The following ZFHX4 variants were observed in gnomAD, a reference collection of about 807,000 sequenced individuals.
ZFHX4 encodes zinc finger homeobox protein 4.
In ZFHX4, 56 loss-of-function variants were observed where a neutral mutation model predicts 267.6. The observed-to-expected ratio is 0.21, with a 90% CI of 0.17 to 0.26. ZFHX4 has a LOEUF of 0.26. Among genes scored for constraint, ZFHX4 ranks in the 10% least tolerant of loss-of-function variants. The pLI is 1.00. For synonymous variants in ZFHX4, 1,778 were observed against 1,665.6 expected (o/e 1.07, Z -1.64); for missense variants, 4,332 against 4,420.0 (o/e 0.98, Z 0.56).
rs1808251685 is a variant in ZFHX4 at position 76,705,897 on chromosome 8, TGGA to T, written c.1814_1816del (p.Gly605del). On this transcript the variant is annotated inframe_deletion, in exon 2 of 11. Coordinates refer to ENST00000651372, the MANE Select transcript of ZFHX4 (RefSeq NM_024721.5). ...CGAGTACTCCTGGCACACCAGGGCC[TGGA>T]GGAGACGGCTCACCGGGCAGTGGCA... 6.2e-7 allele frequency: 1 copy of T among 1,613,454 alleles called. No homozygotes were observed. Among genetic ancestry groups the T allele is most frequent in the Non-Finnish European group, 8.5e-7 (1 of 1,179,830 alleles).
In ZFHX4 at chr8:76,867,129, T is replaced by A. The variant is rs1462927495; in HGVS notation, c.*2564T>A. 1 of 152,638 alleles carries A rather than the reference T, an allele frequency of 6.6e-6. No individual in the cohort carries two copies. Among genetic ancestry groups the A allele is most frequent in the African/African-American group, 2.4e-5 (1 of 41,462 alleles). 9.5% of individuals were successfully genotyped at this position (152,638 alleles called of 1,614,324 possible). A position where few individuals can be genotyped will look rare whatever the true frequency, so the allele number is the denominator to read the frequency against. On this transcript the variant is annotated 3_prime_UTR_variant, in exon 11 of 11. Transcript: ENST00000651372. ...ATGCACCGTATTACGGTAAATAACA[T>A]GGTTTTGAAAACTTTTTTTTATTTT...
chr8:76,840,327 G>A (rs945009671), intron 5 of ZFHX4, among the ~76,000 whole-genome samples: 2 of 152,160 alleles, frequency 1.3e-5, no homozygotes, highest in South Asian at 2.1e-4. Flanking sequence ...GATGGGGAGC[G>A]TCTATCCCAC....
At chr8:76,694,584 A>T (rs1387457481) in intron 1 of ZFHX4, among the ~76,000 whole-genome samples, 1 of 151,948 alleles carries the variant, frequency 6.6e-6, no homozygotes, top group Non-Finnish European at 1.5e-5. Flanking sequence ...GCACTGGGGC[A>T]GAGGTTGAGT....
At chr8:76,824,677 A>G (rs1811739745) in intron 4 of ZFHX4, among the ~76,000 whole-genome samples, 1 of 152,020 alleles carries the variant, frequency 6.6e-6, no homozygotes, top group Non-Finnish European at 1.5e-5. Context: ...GGCTCAACCA[A>G]TCCTCCTGCC....
At chr8:76,758,204 G>T (rs1219013364) in intron 3 of ZFHX4, among the ~76,000 whole-genome samples, 1 of 152,092 alleles carries the variant, frequency 6.6e-6, no homozygotes, top group African/African-American at 2.4e-5. Context: ...TATGAAAAAT[G>T]CTTTCTGGGA....
chr8:76,765,682 C>A (rs1389366141), intron 3 of ZFHX4, among the ~76,000 whole-genome samples: 1 of 152,170 alleles, frequency 6.6e-6, no homozygotes, highest in South Asian at 2.1e-4. Flanking sequence ...AGAAAATAAA[C>A]TGTCACAAAA....
At position 76,706,145 on chromosome 8, in the gene ZFHX4, T is replaced by G. The variant is rs1808262605; in HGVS notation, c.2057T>G (p.Leu686Arg). The G allele has an allele frequency of 6.2e-7, 1 of 1,613,976 alleles. No individual in the cohort carries two copies. Among genetic ancestry groups the G allele is most frequent in the Non-Finnish European group, 8.5e-7 (1 of 1,179,958 alleles). The change falls in exon 2 of 11, where the codon CTT becomes CGT. Residue 686 changes from leucine (L) to arginine (R), a missense_variant. Leu to Arg is a moderately radical substitution (Grantham distance 102, BLOSUM62 -2). Around this residue, in one of 7 missense-constraint regions of ZFHX4, gnomAD observed 1,195 missense variants for 1,173.6 expected, o/e 1.02. Transcript: ENST00000651372. ...YCKTGQPHPR[L>R]ARGESYTCGY... Reference sequence around the variant, plus strand: ...AAGACTGGACAGCCTCACCCCAGGCTTGCCCGGGGTGAGAGTTACACGTGT... The same window carrying G: ...AAGACTGGACAGCCTCACCCCAGGCGTGCCCGGGGTGAGAGTTACACGTGT...
chr8:76,851,015 G>C lies in ZFHX4; in HGVS notation c.4094G>C (p.Ser1365Thr), dbSNP rs1812502550. Residue 1365 changes from serine to threonine, a missense_variant, in exon 10 of 11, where the codon AGT (serine) becomes ACT (threonine). Around this residue, in one of 7 missense-constraint regions of ZFHX4, gnomAD observed 1,371 missense variants for 1,423.1 expected, o/e 0.96. Transcript: ENST00000651372. ...GTCTCAGAATGGAATAAAAATAGCA[G>C]TAAGGATGTGAAAATCCCCGACACA... ...LEVSEWNKNS[S>T]KDVKIPDTLQ... The C allele has an allele frequency of 6.2e-7, 1 of 1,613,758 alleles. No homozygotes were observed. Among genetic ancestry groups the C allele is most frequent in the African/African-American group, 1.3e-5 (1 of 74,884 alleles).
At chr8:76,861,505 A>C (rs1449446560) in intron 10 of ZFHX4, among the ~76,000 whole-genome samples, 1 of 152,168 alleles carries the variant, frequency 6.6e-6, no homozygotes, top group African/African-American at 2.4e-5. Flanking sequence ...TAGAAGTTAT[A>C]TCAAAGTAGG....
chr8:76,815,224 A>G (rs1207361242), intron 4 of ZFHX4, among the ~76,000 whole-genome samples: 1 of 152,202 alleles, frequency 6.6e-6, no homozygotes, highest in Non-Finnish European at 1.5e-5. Flanking sequence ...AAGGACAAGA[A>G]GGTTAATAAT....
In ZFHX4 at chr8:76,855,568, G is replaced by C. The variant is rs1036564552; in HGVS notation, c.8647G>C (p.Asp2883His). The C allele has an allele frequency of 1.9e-6, 3 of 1,613,802 alleles. No individual in the cohort carries two copies. The highest frequency in any genetic ancestry group is 2.2e-5 in the East Asian group (1 of 44,838). Reference sequence around the variant, plus strand: ...TTTCAATGACAAAGATGGCGACCACGACCAAAGCTTTTACATCACAGATGA... The same window carrying C: ...TTTCAATGACAAAGATGGCGACCACCACCAAAGCTTTTACATCACAGATGA... ...IHFNDKDGDH[D>H]QSFYITDDPD... Residue 2883 changes from aspartate (D) to histidine (H), a missense_variant, in exon 10 of 11, where the codon GAC becomes CAC. Physicochemically the swap from Asp to His is moderately conservative, Grantham distance 81 (BLOSUM62 -1). This residue lies in a region of ZFHX4 where 1,648 missense variants were observed against 1,625.0 expected (regional missense o/e 1.01). Coordinates refer to ENST00000651372, the MANE Select transcript of ZFHX4 (RefSeq NM_024721.5).
chr8:76,763,027 A>G (rs1263560500), intron 3 of ZFHX4, among the ~76,000 whole-genome samples: 2 of 152,128 alleles, frequency 1.3e-5, no homozygotes, highest in Non-Finnish European at 2.9e-5. Flanking sequence ...CCCTTTCAAT[A>G]TCTTTGTCAT....
intron 1 of ZFHX4, among the ~76,000 whole-genome samples, chr8:76,690,442 T>G (rs1004352016): frequency 6.6e-6 from 1 of 152,048 alleles, no homozygotes; most frequent in African/African-American, 2.4e-5. Flanking sequence ...ATCTTAAAGT[T>G]TGTCTGCTTG....
chr8:76,747,698 G>A (rs112184977), intron 3 of ZFHX4, among the ~76,000 whole-genome samples: 2,258 of 152,194 alleles, frequency 0.015, 64 homozygotes, highest in African/African-American at 0.049. Context: ...TTGGGAGGCC[G>A]AGGCAGGCGG....
intron 4 of ZFHX4, among the ~76,000 whole-genome samples, chr8:76,810,950 G>T (rs183000079): frequency 6.6e-6 from 1 of 151,922 alleles, no homozygotes; most frequent in Non-Finnish European, 1.5e-5. Flanking sequence ...TGGCTGCTTC[G>T]CTTCCCCTCC....
At chr8:76,690,024 C>T (rs944681745) in intron 1 of ZFHX4, among the ~76,000 whole-genome samples, 2 of 151,996 alleles carry the variant, frequency 1.3e-5, no homozygotes, top group Non-Finnish European at 1.5e-5. Context: ...CTCAGGTTAG[C>T]GGTTCACACA....
At chr8:76,792,571 A>G (rs1385537427) in intron 4 of ZFHX4, among the ~76,000 whole-genome samples, 1 of 152,204 alleles carries the variant, frequency 6.6e-6, no homozygotes, top group East Asian at 1.9e-4. Flanking sequence ...ACAAGATCAT[A>G]TGTTTCTTGG....
intron 4 of ZFHX4, among the ~76,000 whole-genome samples, chr8:76,797,886 A>ATGTGTGTGTGTGTGTG (rs10694486): frequency 7.1e-6 from 1 of 140,182 alleles, no homozygotes; most frequent in Admixed American, 7.1e-5. Flanking sequence ...GTGTGTCTGT[A>ATGTGTGTGTGTGTGTG]TGTGTGTGTG....
At chr8:76,694,438 C>T (rs2131588508) in intron 1 of ZFHX4, among the ~76,000 whole-genome samples, 1 of 152,242 alleles carries the variant, frequency 6.6e-6, no homozygotes, top group South Asian at 2.1e-4. Context: ...TAAAGACAAG[C>T]AAATCGGTTG....
Sources: gnomAD v4.1 joint callset for allele counts (sites outside exome capture counted in the v4.1 genomes callset) on GRCh38, gnomAD v4.1.1 for gene constraint, gnomAD v4.1.1 regional missense constraint, MANE v1.5 for transcripts, NCBI Gene and HGNC (gene_info 2026-07-23, HGNC 2026-07-21) for gene names.